The following KCNK5 variants were observed in gnomAD, a reference collection of about 807,000 sequenced individuals.
KCNK5 encodes potassium channel subfamily K member 5.
Under a neutral mutation model 32.9 loss-of-function variants are expected in KCNK5, and 18 were observed. That is an observed-to-expected ratio of 0.55 (90% CI 0.38 to 0.81). The LOEUF is 0.81. KCNK5 is among the 30% of genes least tolerant of loss of function. The pLI is 0.00. For missense variants in KCNK5, 507 were observed against 651.0 expected, an observed-to-expected ratio of 0.78 and a Z score of 2.41; for synonymous variants, 276 against 275.3, an observed-to-expected ratio of 1.00 and a Z score of -0.03.
chr6:39,221,962 T>C (rs1771559706), intron 1 of KCNK5, among the ~76,000 whole-genome samples: 1 of 152,178 alleles, frequency 6.6e-6, no homozygotes, highest in Non-Finnish European at 1.5e-5. Flanking sequence ...GACTCTCCAA[T>C]ATCTGAGGTT....
chr6:39,225,285 A>G lies in KCNK5; in HGVS notation c.186+3641T>C, dbSNP rs551295337. Among the ~76,000 whole-genome samples, 4 of 152,330 alleles carry G rather than the reference A, an allele frequency of 2.6e-5. No individual in the cohort carries two copies. In the South Asian group the frequency reaches 8.3e-4, roughly 32 times the overall value. On this transcript the variant is annotated intron_variant, in intron 1 of 4. Coordinates refer to ENST00000359534, the MANE Select transcript of KCNK5 (RefSeq NM_003740.4). The stretch of plus-strand genomic sequence containing the variant: ...TAATTTCCATGTACTTTGAAACATG[A>G]AACTTAGATGTGAAAACTGACTCCG...
At chr6:39,215,839 C>G (rs1771423468) in intron 1 of KCNK5, among the ~76,000 whole-genome samples, 1 of 152,222 alleles carries the variant, frequency 6.6e-6, no homozygotes, top group African/African-American at 2.4e-5. Flanking sequence ...GACCACAAAC[C>G]TGTCAAGCAG....
At chr6:39,218,720 C>A (rs929614375) in intron 1 of KCNK5, among the ~76,000 whole-genome samples, 2 of 152,134 alleles carry the variant, frequency 1.3e-5, no homozygotes, top group African/African-American at 4.8e-5. Flanking sequence ...GCTGGCAACA[C>A]CCTGCAAATA....
At chr6:39,202,248 C>G (rs758134741) in intron 1 of KCNK5, among the ~76,000 whole-genome samples, 1 of 152,184 alleles carries the variant, frequency 6.6e-6, no homozygotes, top group Non-Finnish European at 1.5e-5. Flanking sequence ...CCCTCCATCC[C>G]CAACCACTTC....
At chr6:39,204,490 T>C (rs1360484030) in intron 1 of KCNK5, among the ~76,000 whole-genome samples, 1 of 152,226 alleles carries the variant, frequency 6.6e-6, no homozygotes, top group Non-Finnish European at 1.5e-5. Flanking sequence ...CCTCAGGACT[T>C]AGCTCATCAG....
At chr6:39,204,635 T>C (rs1264719137) in intron 1 of KCNK5, among the ~76,000 whole-genome samples, 1 of 152,250 alleles carries the variant, frequency 6.6e-6, no homozygotes, top group East Asian at 1.9e-4. Flanking sequence ...ACCAGGATGC[T>C]GCAAAGCTCC....
rs549499682 is a variant in KCNK5, at chr6:39,190,773, C to T, written c.*117G>A. On this transcript the variant is annotated 3_prime_UTR_variant, in exon 5 of 5. Coordinates refer to ENST00000359534, the MANE Select transcript of KCNK5 (RefSeq NM_003740.4). The stretch of plus-strand genomic sequence containing the variant: ...AAGGTTAGGAAGGCCCCTGGCCCCC[C>T]ACTCCCAGTTCCGAGGCTGCCCCCC... The T allele has an allele frequency of 1.7e-5, 18 of 1,046,634 alleles. No individual in the cohort carries two copies. The highest frequency in any genetic ancestry group is 1.6e-4 in the East Asian group (6 of 36,540). The allele number at this position is 1,046,634 out of a possible 1,614,324, so 64.8% of individuals were successfully genotyped here. A position where few individuals can be genotyped will look rare whatever the true frequency, so the allele number is the denominator to read the frequency against.
At chr6:39,196,300 T>C (rs751934) in intron 1 of KCNK5, among the ~76,000 whole-genome samples, 73,634 of 151,996 alleles carry the variant, frequency 0.48, 18,572 homozygotes, top group East Asian at 0.75. Flanking sequence ...CCCCTACTAC[T>C]CCGAGTTTCT....
At chr6:39,193,312 T>C (rs1051887892) in intron 4 of KCNK5, among the ~76,000 whole-genome samples, 2 of 152,206 alleles carry the variant, frequency 1.3e-5, no homozygotes, top group South Asian at 4.1e-4. Flanking sequence ...AGGGGAGTGT[T>C]TGTGCCTCTC....
intron 1 of KCNK5, among the ~76,000 whole-genome samples, chr6:39,206,136 C>G (rs931484257): frequency 6.6e-6 from 1 of 151,224 alleles, no homozygotes; most frequent in Admixed American, 6.6e-5. Flanking sequence ...TGAAGCCAAA[C>G]AGCAAGCTGG....
rs1770940681 is a variant in KCNK5 at position 39,191,646 on chromosome 6, C to T, written c.744G>A (p.Met248Ile). Residue 248 changes from methionine to isoleucine, a missense_variant, in exon 5 of 5, where the codon ATG becomes ATA. By Grantham distance (10) the Met-to-Ile change is conservative. Around this residue, in one of 6 missense-constraint regions of KCNK5, gnomAD observed 45 missense variants for 107.6 expected, o/e 0.42. Transcript: ENST00000359534. This position sits in a 1 kb window ranked among gnomAD's most constrained non-coding sequence, Gnocchi z 5.8. Reference protein sequence around the residue: ...LSLFVNWKVSMFVEVHKAIKK... With the variant: ...LSLFVNWKVSIFVEVHKAIKK... ...TAATGGCTTTGTGGACTTCCACAAA[C>T]ATGCTCACCTTCCAGTTGACAAAAA... 1.2e-6 allele frequency: 2 copies of T among 1,614,044 alleles called. No individual in the cohort carries two copies. The highest frequency in any genetic ancestry group is 1.7e-5 in the Admixed American group (1 of 60,006).
At position 39,191,252 on chromosome 6, in the gene KCNK5, C is replaced by T. The variant is rs1770925044; in HGVS notation, c.1138G>A (p.Ala380Thr). 4 of 1,614,012 alleles carry T rather than the reference C, an allele frequency of 2.5e-6. No homozygotes were observed. Among genetic ancestry groups the T allele is most frequent in the African/African-American group, 2.7e-5 (2 of 74,946 alleles). ...GGGGCAGGGGAGCTGTCTTCAGGGG[C>T]CCGTGCCACAGCCTCCTCATCTGGG... Reference protein sequence around the residue: ...RSPDEEAVARAPEDSSPAPEV... With the variant: ...RSPDEEAVARTPEDSSPAPEV... Residue 380 changes from alanine to threonine, a missense_variant, in exon 5 of 5, where the codon GCC becomes ACC. Ala to Thr is a moderately conservative substitution (Grantham distance 58). Transcript: ENST00000359534. This position sits in a 1 kb window ranked among gnomAD's most constrained non-coding sequence, Gnocchi z 5.8.
Position 39,229,348 on chromosome 6 carries a change from A to AG in KCNK5, c.-238dup. ...ACGCGGCCCGGGGTGGGCGAACACC[A>AG]GCGGGGCTGAAAGGGCGCCCTGGAC... On this transcript the variant is annotated 5_prime_UTR_variant, in exon 1 of 5. Coordinates refer to ENST00000359534, the MANE Select transcript of KCNK5 (RefSeq NM_003740.4). 3.5e-6 allele frequency: 2 copies of AG among 569,180 alleles called. No individual in the cohort carries two copies. Among genetic ancestry groups the AG allele is most frequent in the South Asian group, 2.1e-5 (1 of 48,758 alleles). The allele number at this position is 569,180 out of a possible 1,614,324, so 35.3% of individuals were successfully genotyped here. A position where few individuals can be genotyped will look rare whatever the true frequency, so the allele number is the denominator to read the frequency against.
intron 1 of KCNK5, among the ~76,000 whole-genome samples, chr6:39,197,183 T>C (rs1018234690): frequency 1.3e-5 from 2 of 150,960 alleles, no homozygotes; most frequent in African/African-American, 4.9e-5. Context: ...GACAGAAGAG[T>C]GAGGGATGGA....
At chr6:39,195,813 C>T (rs748918986) in intron 2 of KCNK5, 63 bp downstream of exon 2, 14 of 1,223,984 alleles carry the variant, frequency 1.1e-5, no homozygotes, top group Non-Finnish European at 1.7e-5. Context: ...AGCTGGGTTT[C>T]TAGAAAGGTT....
intron 1 of KCNK5, among the ~76,000 whole-genome samples, chr6:39,224,590 T>C (rs2815122): frequency 0.54 from 81,488 of 152,016 alleles, 22,274 homozygotes; most frequent in East Asian, 0.88. Context: ...AGGAGGTACA[T>C]ATGGAAAACC....
At chr6:39,226,611 T>C (rs1271451607) in intron 1 of KCNK5, among the ~76,000 whole-genome samples, 1 of 152,048 alleles carries the variant, frequency 6.6e-6, no homozygotes, top group Non-Finnish European at 1.5e-5. Context: ...ACACAGAGCG[T>C]CAGGTGGAAA....
chr6:39,207,939 T>C (rs538069553), intron 1 of KCNK5, among the ~76,000 whole-genome samples: 1 of 152,142 alleles, frequency 6.6e-6, no homozygotes, highest in East Asian at 1.9e-4. Flanking sequence ...CACATTTGTC[T>C]CTCTAGGTTA....
rs1771731473 is a variant in KCNK5 at position 39,229,430 on chromosome 6, G to A, written c.-319C>T. On this transcript the variant is annotated 5_prime_UTR_variant, in exon 1 of 5. Coordinates refer to ENST00000359534, the MANE Select transcript of KCNK5 (RefSeq NM_003740.4). ...GACTTGACTCTGGGCAGACACGTGG[G>A]CCGCTTCTCCACGCGTCGCTCCTCC... 7 of 312,386 alleles carry A rather than the reference G, an allele frequency of 2.2e-5. No individual in the cohort carries two copies. The South Asian group carries it at 3.2e-4, about 14-fold the overall frequency. The allele number at this position is 312,386 out of a possible 1,614,324, so 19.4% of individuals were successfully genotyped here.
Sources: allele counts gnomAD v4.1 joint callset (sites outside exome capture counted in the v4.1 genomes callset), GRCh38; gene constraint gnomAD v4.1.1; regional missense constraint gnomAD v4.1.1; non-coding constraint Gnocchi (gnomAD v3.1); transcripts MANE v1.5; gene names NCBI Gene and HGNC (gene_info 2026-07-23, HGNC 2026-07-21).